Variants in METTL15 observed in about 807,000 individuals in gnomAD.
The protein encoded by METTL15 is methyltransferase 15, mitochondrial 12S rRNA N4-cytidine.
A neutral mutation model predicts 38.3 loss-of-function variants in METTL15; 34 were observed. The ratio of observed to expected loss-of-function variants is 0.89; its 90% CI spans 0.68 to 1.18. The LOEUF is 1.18. Ranked by LOEUF, METTL15 falls within the 50% of genes most tolerant of loss-of-function variation. METTL15 has a pLI of 0.00. For missense variants in METTL15, 438 were observed against 498.4 expected (o/e 0.88, Z 1.15); for synonymous variants, 162 against 170.9 (o/e 0.95, Z 0.41).
intron 6 of METTL15, among the ~76,000 whole-genome samples, chr11:28,525,858 G>C (rs1214282695): frequency 2.0e-5 from 3 of 152,262 alleles, no homozygotes; most frequent in Non-Finnish European, 4.4e-5. Flanking sequence ...GGCGGCGCTT[G>C]TTGGGGAGGC....
chr11:28,247,317 T>A (rs772202462), intron 4 of METTL15, among the ~76,000 whole-genome samples: 18 of 152,256 alleles, frequency 1.2e-4, no homozygotes, highest in Middle Eastern at 3.4e-3. Flanking sequence ...GGCAAAATTA[T>A]TGAAAATTGA....
chr11:28,401,506 A>T (rs973127140), intron 5 of METTL15, among the ~76,000 whole-genome samples: 1 of 151,774 alleles, frequency 6.6e-6, no homozygotes, highest in Non-Finnish European at 1.5e-5. Flanking sequence ...TTAGTGAGTA[A>T]TTGTTTTAAT....
chr11:28,443,193 A>G (rs541608390), intron 6 of METTL15, among the ~76,000 whole-genome samples: 43 of 152,350 alleles, frequency 2.8e-4, no homozygotes, highest in African/African-American at 6.3e-4. Flanking sequence ...CCATGTAACA[A>G]TCAATCACTG....
chr11:28,328,433 G>T (rs1849707655), intron 6 of METTL15, among the ~76,000 whole-genome samples: 1 of 151,954 alleles, frequency 6.6e-6, no homozygotes, highest in Non-Finnish European at 1.5e-5. Flanking sequence ...TTACTACTAG[G>T]TGTTTAGATT....
chr11:28,262,707 T>C (rs1855256817), intron 4 of METTL15, among the ~76,000 whole-genome samples: 1 of 152,178 alleles, frequency 6.6e-6, no homozygotes, highest in Non-Finnish European at 1.5e-5. Flanking sequence ...TATTTTTATA[T>C]GATATGCCAT....
intron 5 of METTL15, among the ~76,000 whole-genome samples, chr11:28,375,033 A>G (rs1590350192): frequency 6.7e-6 from 1 of 150,290 alleles, no homozygotes; most frequent in African/African-American, 2.4e-5. Context: ...ATCATGGTGG[A>G]TAAGCTTTTT....
intron 5 of METTL15, among the ~76,000 whole-genome samples, chr11:28,295,156 A>G (rs1026932088): frequency 1.3e-4 from 20 of 152,174 alleles, no homozygotes; most frequent in African/African-American, 4.8e-4. Context: ...GGACAGTGGC[A>G]TGCATTGAGC....
At chr11:28,462,710 T>A (rs1851226542) in intron 6 of METTL15, among the ~76,000 whole-genome samples, 1 of 152,040 alleles carries the variant, frequency 6.6e-6, no homozygotes. Context: ...ATGGTCCAAC[T>A]TGGATTCCTA....
intron 6 of METTL15, among the ~76,000 whole-genome samples, chr11:28,486,125 T>C (rs1851437605): frequency 6.6e-6 from 1 of 152,130 alleles, no homozygotes. Context: ...TCAATTTTAG[T>C]TGATAGATGA....
At chr11:28,234,303 C>T (rs112787588) in intron 4 of METTL15, among the ~76,000 whole-genome samples, 3,256 of 151,744 alleles carry the variant, frequency 0.021, 37 homozygotes, top group Middle Eastern at 0.065. Flanking sequence ...GATTTATAGT[C>T]CTTTGGGTAT....
chr11:28,293,352 G>T (rs554884914), intron 5 of METTL15, among the ~76,000 whole-genome samples: 1 of 152,280 alleles, frequency 6.6e-6, no homozygotes, highest in African/African-American at 2.4e-5. Flanking sequence ...GTTTGTCAAA[G>T]ATCAGATAGT....
intron 6 of METTL15, among the ~76,000 whole-genome samples, chr11:28,477,097 C>T (rs183700910): frequency 6.6e-6 from 1 of 152,198 alleles, no homozygotes; most frequent in East Asian, 1.9e-4. Context: ...CTAAAATCCC[C>T]AGACTTGTGC....
intron 6 of METTL15, among the ~76,000 whole-genome samples, chr11:28,520,272 G>A (rs113847490): frequency 2.7e-4 from 41 of 152,162 alleles, no homozygotes; most frequent in African/African-American, 9.6e-4. Context: ...TGGGGAGGTT[G>A]AGGCTGCAGT....
chr11:28,425,494 T>C (rs976983661), intron 6 of METTL15, among the ~76,000 whole-genome samples: 3 of 152,288 alleles, frequency 2.0e-5, no homozygotes, highest in Non-Finnish European at 4.4e-5. Flanking sequence ...CTTGAAAGAA[T>C]TATGCTCCTT....
chr11:28,293,234 A>G lies in METTL15; in HGVS notation c.599+2837A>G, dbSNP rs1202376890. ...ATCCATCTTGAATTAATTTTTGTAT[A>G]AGATGTAAGGAAGGGATCCAGTTTC... On this transcript the variant is annotated intron_variant, in intron 5 of 6. Transcript: ENST00000407364. 3.3e-5 allele frequency among the ~76,000 whole-genome samples: 5 copies of G among 152,168 alleles called. No homozygotes were observed. In the South Asian group the frequency reaches 6.2e-4, roughly 19 times the overall value.
Position 28,330,859 on chromosome 11 carries a change from C to G in METTL15, c.*18C>G, listed in dbSNP as rs1399733489. ...AATTATAAGTTATCATCATCTTATT[C>G]TTCAAATTTTTTTCTCACAATTTCT... On this transcript the variant is annotated 3_prime_UTR_variant, in exon 7 of 7. Coordinates refer to ENST00000407364, the MANE Select transcript of METTL15 (RefSeq NM_001113528.2). 77 of 1,507,824 alleles carry G rather than the reference C, an allele frequency of 5.1e-5. No individual in the cohort carries two copies. The highest frequency in any genetic ancestry group is 6.7e-5 in the Non-Finnish European group (76 of 1,129,282). 93.4% of individuals were successfully genotyped at this position (1,507,824 alleles called of 1,614,324 possible). A position where few individuals can be genotyped will look rare whatever the true frequency, so the allele number is the denominator to read the frequency against.
intron 5 of METTL15, chr11:28,398,733 T>G (rs1426550895): frequency 2.0e-5 from 3 of 152,136 alleles, no homozygotes; most frequent in Non-Finnish European, 4.4e-5. Context: ...GTTTTAGTCA[T>G]GAAGTCTTTG....
chr11:28,432,798 T>A (rs1435546144), intron 6 of METTL15, among the ~76,000 whole-genome samples: 1 of 152,218 alleles, frequency 6.6e-6, no homozygotes, highest in East Asian at 1.9e-4. Flanking sequence ...GGAGGTAATA[T>A]GGAAGCAATT....
At chr11:28,516,275 G>T (rs1276245212) in intron 6 of METTL15, among the ~76,000 whole-genome samples, 1 of 152,146 alleles carries the variant, frequency 6.6e-6, no homozygotes, top group Non-Finnish European at 1.5e-5. Context: ...CCAGGTGGGT[G>T]GTGGGGGGAT....
Sources: allele counts gnomAD v4.1 joint callset (sites outside exome capture counted in the v4.1 genomes callset), GRCh38; gene constraint gnomAD v4.1.1; transcripts MANE v1.5; gene names NCBI Gene and HGNC (gene_info 2026-07-23, HGNC 2026-07-21).